Variants in DLC1 observed in about 807,000 individuals in gnomAD.
DLC1 encodes DLC1 Rho GTPase activating protein.
A neutral mutation model predicts 140.3 loss-of-function variants in DLC1; 54 were observed. That is an observed-to-expected ratio of 0.38 (90% CI 0.31 to 0.48). The LOEUF is 0.48. Among genes scored for constraint, DLC1 ranks in the 20% least tolerant of loss-of-function variants. DLC1 has a pLI of 0.96. For synonymous variants in DLC1, 986 were observed against 728.1 expected (o/e 1.35, Z -5.70); for missense variants, 2,536 against 1,907.0 (o/e 1.33, Z -6.14).
intron 1 of DLC1, among the ~76,000 whole-genome samples, chr8:13,569,563 A>G (rs1804574768): frequency 6.6e-6 from 1 of 152,158 alleles, no homozygotes; most frequent in African/African-American, 2.4e-5. Context: ...ATTAAAGGGC[A>G]TGCTCCACCC....
intron 2 of DLC1, among the ~76,000 whole-genome samples, chr8:13,474,291 G>A (rs1367719195): frequency 6.6e-6 from 1 of 152,190 alleles, no homozygotes; most frequent in African/African-American, 2.4e-5. Flanking sequence ...GAGTCTGTGG[G>A]TGTGCAGAAG....
intron 5 of DLC1, among the ~76,000 whole-genome samples, chr8:13,155,170 G>T (rs751564882): frequency 2.0e-5 from 3 of 149,922 alleles, no homozygotes; most frequent in Non-Finnish European, 4.4e-5. Flanking sequence ...CCATATCGGT[G>T]TATAAATGTA....
intron 2 of DLC1, among the ~76,000 whole-genome samples, chr8:13,479,970 G>A (rs1800644145): frequency 2.1e-5 from 3 of 140,938 alleles, no homozygotes; most frequent in South Asian, 2.3e-4. Flanking sequence ...AGAGGCTGAC[G>A]CATGAGGATC....
At chr8:13,121,010 G>A (rs565825170) in intron 5 of DLC1, among the ~76,000 whole-genome samples, 4 of 152,168 alleles carry the variant, frequency 2.6e-5, no homozygotes, top group Non-Finnish European at 5.9e-5. Context: ...TAGCTTCACA[G>A]GGGGAACTTT....
intron 8 of DLC1, among the ~76,000 whole-genome samples, chr8:13,102,141 C>A (rs917440882): frequency 1.3e-5 from 2 of 152,112 alleles, no homozygotes; most frequent in African/African-American, 4.8e-5. Context: ...GTTCTTTGAC[C>A]AGACTCATTC....
At chr8:13,595,146 A>C (rs892810314) in intron 1 of DLC1, among the ~76,000 whole-genome samples, 4 of 152,086 alleles carry the variant, frequency 2.6e-5, no homozygotes, top group African/African-American at 9.7e-5. Flanking sequence ...CTACAGTCAC[A>C]AGCATTAAGA....
chr8:13,229,397 G>A (rs1828943217), intron 5 of DLC1, among the ~76,000 whole-genome samples: 1 of 152,094 alleles, frequency 6.6e-6, no homozygotes, highest in African/African-American at 2.4e-5. Flanking sequence ...ATCCATAGAG[G>A]CAGAAAGAAG....
At chr8:13,389,100 C>T (rs1372211489) in intron 4 of DLC1, among the ~76,000 whole-genome samples, 1 of 151,974 alleles carries the variant, frequency 6.6e-6, no homozygotes, top group Non-Finnish European at 1.5e-5. Flanking sequence ...GCTAGACTCT[C>T]CTTGTTCCTT....
At chr8:13,137,782 G>A (rs1822682543) in intron 5 of DLC1, among the ~76,000 whole-genome samples, 1 of 151,514 alleles carries the variant, frequency 6.6e-6, no homozygotes, top group African/African-American at 2.4e-5. Context: ...ATTTTTAGAA[G>A]CAATGGGGTT....
At chr8:13,189,900 C>G (rs537922535) in intron 5 of DLC1, among the ~76,000 whole-genome samples, 2 of 151,640 alleles carry the variant, frequency 1.3e-5, no homozygotes, top group South Asian at 4.2e-4. Flanking sequence ...AAAAAAGAAG[C>G]TGCACTCTTG....
intron 1 of DLC1, among the ~76,000 whole-genome samples, chr8:13,510,437 A>G (rs572477805): frequency 6.6e-5 from 10 of 152,232 alleles, no homozygotes; most frequent in Non-Finnish European, 1.0e-4. Flanking sequence ...TTGGCCTCCC[A>G]TATTCTTTCT....
intron 4 of DLC1, among the ~76,000 whole-genome samples, chr8:13,380,491 C>A (rs1257605842): frequency 6.6e-6 from 1 of 152,136 alleles, no homozygotes; most frequent in Non-Finnish European, 1.5e-5. Context: ...TTTATCAGGA[C>A]AAATTAAGGA....
intron 5 of DLC1, among the ~76,000 whole-genome samples, chr8:13,185,216 G>C (rs765252446): frequency 4.0e-5 from 6 of 148,948 alleles, no homozygotes; most frequent in Admixed American, 6.7e-5. Flanking sequence ...TGCGAGATGG[G>C]TCTCCTGAAT....
chr8:13,405,961 C>CTTTCTT (rs1281903386), intron 2 of DLC1, among the ~76,000 whole-genome samples: 1 of 89,576 alleles, frequency 1.1e-5, no homozygotes, highest in East Asian at 2.8e-4. Flanking sequence ...TTCTTTCTTT[C>CTTTCTT]TTTCTTTCTT....
intron 4 of DLC1, among the ~76,000 whole-genome samples, chr8:13,392,517 A>T (rs1836806451): frequency 6.6e-6 from 1 of 152,114 alleles, no homozygotes. Flanking sequence ...TTTGAGTCCT[A>T]TTTTAGACTT....
At chr8:13,587,197 T>G (rs1190084526) in intron 1 of DLC1, among the ~76,000 whole-genome samples, 1 of 151,826 alleles carries the variant, frequency 6.6e-6, no homozygotes, top group Non-Finnish European at 1.5e-5. Context: ...TAGATAAAAT[T>G]TTGTGAGTGG....
chr8:13,314,881 G>A (rs1169449693), intron 4 of DLC1, among the ~76,000 whole-genome samples: 1 of 152,186 alleles, frequency 6.6e-6, no homozygotes, highest in East Asian at 1.9e-4. Flanking sequence ...ATTACAGGGA[G>A]ATATTCATTG....
chr8:13,421,959 A>T (rs1250324580), intron 2 of DLC1, among the ~76,000 whole-genome samples: 2 of 152,100 alleles, frequency 1.3e-5, no homozygotes, highest in African/African-American at 4.8e-5. Context: ...ATGGTTTTTA[A>T]TTCAAATGGT....
chr8:13,306,975 T>G (rs1199166512), intron 4 of DLC1, among the ~76,000 whole-genome samples: 1 of 147,260 alleles, frequency 6.8e-6, no homozygotes, highest in African/African-American at 2.5e-5. Context: ...TCCCAGCTAC[T>G]CAGGAGGCTG....
Sources: gnomAD v4.1 joint callset for allele counts (sites outside exome capture counted in the v4.1 genomes callset) on GRCh38, gnomAD v4.1.1 for gene constraint, MANE v1.5 for transcripts, NCBI Gene and HGNC (gene_info 2026-07-23, HGNC 2026-07-21) for gene names.